PPP6R2: variants seen among roughly 807,000 people sequenced by gnomAD.
The protein encoded by PPP6R2 is serine/threonine-protein phosphatase 6 regulatory subunit 2.
PPP6R2 carries 62 observed loss-of-function variants against 100.2 expected under a neutral mutation model. That is an observed-to-expected ratio of 0.62 (90% CI 0.50 to 0.76). The LOEUF (loss-of-function observed/expected upper bound fraction) is 0.76. Among genes scored for constraint, PPP6R2 ranks in the 30% least tolerant of loss-of-function variants. The probability of loss-of-function intolerance (pLI) is 0.00; values close to 1 mark genes in which losing one functional copy is unlikely to be tolerated. For missense variants in PPP6R2, 1,142 were observed against 1,276.3 expected (o/e 0.89, Z 1.60); for synonymous variants, 525 against 514.7 (o/e 1.02, Z -0.27).
rs144812546 is a variant in PPP6R2, at chr22:50,359,445, C to T, written c.-147-12575C>T. Among the ~76,000 whole-genome samples the T allele has an allele frequency of 4.0e-3, 614 of 152,164 alleles. 10 individuals are homozygous for T. The East Asian group carries it at 0.062, about 15-fold the overall frequency. On this transcript the variant is annotated intron_variant, in intron 1 of 23. Transcript: ENST00000612753. ...TGTTAGCCAGGATGGTCTCGATCTC[C>T]TGACCTTGTGATCTGCCCGCCTCGG...
intron 2 of PPP6R2, among the ~76,000 whole-genome samples, chr22:50,391,020 A>C (rs1213789622): frequency 1.3e-5 from 2 of 150,978 alleles, no homozygotes; most frequent in Non-Finnish European, 3.0e-5. Context: ...AAAGAAAAGA[A>C]ATTCAGGCCG....
chr22:50,332,333 C>A, the PPP6R2 span, among the ~76,000 whole-genome samples: 2 of 151,760 alleles, frequency 1.3e-5, no homozygotes, highest in African/African-American at 2.4e-5. Flanking sequence ...GTTCACCCCC[C>A]CATTCTTCTG....
At chr22:50,372,196 TTTATG>T (rs1386339510) in intron 2 of PPP6R2, 46 bp downstream of exon 2, 1 of 152,210 alleles carries the variant, frequency 6.6e-6, no homozygotes, top group Non-Finnish European at 1.5e-5. Context: ...TATTGTGTAA[TTTATG>T]TAAAAGTTCT....
At chr22:50,368,132 A>T (rs1423468356) in intron 1 of PPP6R2, among the ~76,000 whole-genome samples, 1 of 152,264 alleles carries the variant, frequency 6.6e-6, no homozygotes, top group Non-Finnish European at 1.5e-5. Context: ...AGGCGGAGCC[A>T]GGTGTACAGG....
intron 10 of PPP6R2, among the ~76,000 whole-genome samples, chr22:50,426,041 C>G (rs936423026): frequency 3.9e-5 from 6 of 152,114 alleles, no homozygotes; most frequent in Admixed American, 2.0e-4. Context: ...TAACCTTGAA[C>G]TCCTGGGCTC....
chr22:50,389,280 A>C (rs989382434), intron 2 of PPP6R2, among the ~76,000 whole-genome samples: 30 of 152,206 alleles, frequency 2.0e-4, no homozygotes, highest in African/African-American at 7.0e-4. Context: ...TGTTCTGAAG[A>C]TGCTGCCAGT....
At chr22:50,435,674 G>A (rs914390194) in intron 13 of PPP6R2, among the ~76,000 whole-genome samples, 5 of 152,154 alleles carry the variant, frequency 3.3e-5, no homozygotes, top group African/African-American at 1.2e-4. Flanking sequence ...GGACCATAGT[G>A]AGGGGACTCC....
At position 50,422,400 on chromosome 22, in the gene PPP6R2, G is replaced by A; in HGVS notation, c.972+20G>A. 1.2e-6 allele frequency: 2 copies of A among 1,612,788 alleles called. No individual in the cohort carries two copies. Among genetic ancestry groups the A allele is most frequent in the Non-Finnish European group, 1.7e-6 (2 of 1,179,218 alleles). On this transcript the variant is annotated intron_variant, in intron 9 of 23. Transcript: ENST00000612753. ...CCCAAGGTAAATGGCCGTGGCGACTGCTGAGTGCCTTTGGAGGCGTCGCAG... is the reference window on the plus strand; with the variant it reads ...CCCAAGGTAAATGGCCGTGGCGACTACTGAGTGCCTTTGGAGGCGTCGCAG...
chr22:50,342,431 G>A (rs1237372131), upstream of PPP6R2, among the ~76,000 whole-genome samples: 3 of 152,232 alleles, frequency 2.0e-5, no homozygotes, highest in African/African-American at 7.2e-5. Flanking sequence ...GGGGAAGCCC[G>A]GGGCCGCCAG....
chr22:50,332,672 G>A, the PPP6R2 span, among the ~76,000 whole-genome samples: 1 of 148,028 alleles, frequency 6.8e-6, no homozygotes, highest in Non-Finnish European at 1.5e-5. Context: ...TCACCAGGCT[G>A]AAGTGCAATG....
At chr22:50,339,082 T>C (rs1449428782), upstream of PPP6R2, among the ~76,000 whole-genome samples, 6 of 135,328 alleles carry the variant, frequency 4.4e-5, no homozygotes, top group African/African-American at 1.7e-4. Context: ...TGGTATGTGG[T>C]GTGTGGTGTG....
intron 6 of PPP6R2, among the ~76,000 whole-genome samples, chr22:50,417,328 G>A (rs1242569013): frequency 6.6e-6 from 1 of 152,118 alleles, no homozygotes; most frequent in Non-Finnish European, 1.5e-5. Flanking sequence ...TTTAGACCTG[G>A]GTGGCTGGGT....
intron 1 of PPP6R2, among the ~76,000 whole-genome samples, chr22:50,359,280 G>A (rs1413744209): frequency 2.7e-5 from 4 of 149,152 alleles, no homozygotes; most frequent in African/African-American, 5.0e-5. Flanking sequence ...GTGCAGTGGC[G>A]TGATCTCCGC....
At chr22:50,355,447 C>T (rs1181070261) in intron 1 of PPP6R2, among the ~76,000 whole-genome samples, 1 of 151,118 alleles carries the variant, frequency 6.6e-6, no homozygotes, top group South Asian at 2.1e-4. Flanking sequence ...ACTGTGGTCT[C>T]GATCTCCTAA....
chr22:50,370,357 G>T (rs149257167), intron 1 of PPP6R2, among the ~76,000 whole-genome samples: 4 of 152,016 alleles, frequency 2.6e-5, no homozygotes, highest in African/African-American at 4.8e-5. Context: ...GCGCGATCTC[G>T]GCTCACTGCA....
Position 50,423,469 on chromosome 22 carries a change from C to T in PPP6R2, c.980C>T (p.Ala327Val), listed in dbSNP as rs377463315. The T allele has an allele frequency of 6.2e-6, 10 of 1,614,076 alleles. No individual in the cohort carries two copies. Among genetic ancestry groups the T allele is most frequent in the Admixed American group, 1.7e-5 (1 of 60,004 alleles). ...QLLLNPPKKK[A>V]ILTTIGVLEE... is the part of the protein sequence containing the mutation. ...TGCCTTCTGTGTTTGCAGAAGAAAG[C>T]GATCCTGACCACCATTGGTGTGCTG... The change falls in exon 10 of 24, where the codon GCG (alanine) becomes GTG (valine). Residue 327 changes from alanine to valine, a missense_variant. This residue lies in a region of PPP6R2 where 592 missense variants were observed against 758.9 expected (regional missense o/e 0.78). Coordinates refer to ENST00000612753, the MANE Select transcript of PPP6R2 (RefSeq NM_001242898.2). This position sits in a 1 kb window ranked among gnomAD's most constrained non-coding sequence, Gnocchi z 4.8.
At chr22:50,356,366 G>T (rs1357266151) in intron 1 of PPP6R2, among the ~76,000 whole-genome samples, 1 of 146,048 alleles carries the variant, frequency 6.8e-6, no homozygotes, top group Non-Finnish European at 1.5e-5. Context: ...GCAGTGGAAT[G>T]ATCGTTGTCA....
intron 5 of PPP6R2, among the ~76,000 whole-genome samples, chr22:50,415,504 C>T (rs985207862): frequency 6.6e-6 from 1 of 152,244 alleles, no homozygotes; most frequent in Admixed American, 6.5e-5. Context: ...CTTTTAGCTG[C>T]TTTACTTGAT....
At chr22:50,405,641 A>G (rs1603259913) in intron 3 of PPP6R2, among the ~76,000 whole-genome samples, 1 of 46,752 alleles carries the variant, frequency 2.1e-5, no homozygotes, top group Non-Finnish European at 4.1e-5. Flanking sequence ...GGCGAGTGTG[A>G]AGGCCTGGAG....
Sources: gnomAD v4.1 joint callset for allele counts (sites outside exome capture counted in the v4.1 genomes callset) on GRCh38, gnomAD v4.1.1 for gene constraint, gnomAD v4.1.1 regional missense constraint, Gnocchi (gnomAD v3.1) non-coding constraint, MANE v1.5 for transcripts, NCBI Gene and HGNC (gene_info 2026-07-23, HGNC 2026-07-21) for gene names.